The following USP19 variants were observed in gnomAD, a reference collection of about 807,000 sequenced individuals.
The protein encoded by USP19 is ubiquitin carboxyl-terminal hydrolase 19.
In USP19, 40 loss-of-function variants were observed where a neutral mutation model predicts 144.8. The ratio of observed to expected loss-of-function variants is 0.28; its 90% CI spans 0.21 to 0.36. The LOEUF (loss-of-function observed/expected upper bound fraction) is 0.36, where lower values mean the gene tolerates loss of function less well. USP19 is among the 10% of genes least tolerant of loss of function. USP19 has a pLI of 1.00. For missense variants in USP19, 1,518 were observed against 1,822.5 expected (o/e 0.83, Z 3.04); for synonymous variants, 701 against 709.3 (o/e 0.99, Z 0.19).
In USP19 at chr3:49,116,668, AT is replaced by A; in HGVS notation, c.1126+58del. The A allele has an allele frequency of 6.2e-7, 1 of 1,609,970 alleles. No individual in the cohort carries two copies. Among genetic ancestry groups the A allele is most frequent in the Non-Finnish European group, 8.5e-7 (1 of 1,177,452 alleles). On this transcript the variant is annotated intron_variant, in intron 7 of 26. Coordinates refer to ENST00000417901, the MANE Select transcript of USP19 (RefSeq NM_001199161.2). The surrounding 1 kb of genome is among the most constrained non-coding windows in gnomAD (Gnocchi z 5.0). ...AGGTTCCAGCCTATTGCTACTCTCT[AT>A]CCACCTACAAACTTTGCAACCCAAC... is the stretch of plus-strand genomic sequence containing the variant.
At position 49,115,667 on chromosome 3, in the gene USP19, A is replaced by G; in HGVS notation, c.1693-28T>C. 6.2e-7 allele frequency: 1 copy of G among 1,608,886 alleles called. No homozygotes were observed. The highest frequency in any genetic ancestry group is 8.5e-7 in the Non-Finnish European group (1 of 1,176,664). On this transcript the variant is annotated intron_variant, in intron 11 of 26. Transcript: ENST00000417901. The surrounding 1 kb of genome is among the most constrained non-coding windows in gnomAD (Gnocchi z 6.6). The stretch of plus-strand genomic sequence containing the variant: ...GCAGGAGCAAAGACGACATGAGAGA[A>G]CAGCCCCAAGACTCTCCAGCCTCCA...
Position 49,112,333 on chromosome 3 carries a change from C to T in USP19, c.2716G>A (p.Glu906Lys), listed in dbSNP as rs745457356. The T allele has an allele frequency of 1.2e-6, 2 of 1,613,822 alleles. No individual in the cohort carries two copies. The highest frequency in any genetic ancestry group is 1.7e-6 in the Non-Finnish European group (2 of 1,179,920). Residue 906 changes from glutamate to lysine, a missense_variant, in exon 19 of 27, where the codon GAA becomes AAA. Glu to Lys is a moderately conservative substitution (Grantham distance 56). This residue lies in a region of USP19 where 413 missense variants were observed against 515.8 expected (regional missense o/e 0.80). Transcript: ENST00000417901. This position sits in a 1 kb window ranked among gnomAD's most constrained non-coding sequence, Gnocchi z 4.9. ...CACCGGGTACAGCGCTTCAGCTTTT[C>T]ATCCTCCGACTGTTGCTTCCGCTGG... ...ACQRKQQSED[E>K]KLKRCTRCYR...
chr3:49,110,398 C>T lies in USP19; in HGVS notation c.3860-36G>A. ...GTGGGAAGAGTGTGAACAAAGTCTG[C>T]ACCACCACCCCTACCACCTATCCTG... On this transcript the variant is annotated intron_variant, in intron 25 of 26. Coordinates refer to ENST00000417901, the MANE Select transcript of USP19 (RefSeq NM_001199161.2). The surrounding 1 kb of genome is among the most constrained non-coding windows in gnomAD (Gnocchi z 6.1). 2 of 1,603,236 alleles carry T rather than the reference C, an allele frequency of 1.2e-6. No homozygotes were observed.
In USP19 at chr3:49,118,053, T is replaced by C. The variant is rs776946119; in HGVS notation, c.192A>G (p.Ser64=). The change falls in exon 3 of 27, where the codon TCA becomes TCG. Residue 64 remains serine (S), a synonymous_variant. Transcript: ENST00000417901. ...EPLASGDPSA[S]ASHAAGITGS... is the part of the protein sequence containing the mutation. The stretch of plus-strand genomic sequence containing the variant: ...CTGTGATCCCAGCTGCATGGGAGGC[T>C]GAGGCAGAAGGATCACCTGAGGCCA... The C allele has an allele frequency of 1.1e-5, 18 of 1,592,184 alleles. No homozygotes were observed. In the East Asian group the frequency reaches 4.0e-4, roughly 36 times the overall value.
At position 49,119,016 on chromosome 3, in the gene USP19, T is replaced by A; in HGVS notation, c.124+6A>T. On this transcript the variant is annotated splice_donor_region_variant and intron_variant, in intron 2 of 26. Coordinates refer to ENST00000417901, the MANE Select transcript of USP19 (RefSeq NM_001199161.2). ...GCCACAATTACTCTGGGAATGCCAC[T>A]CCCACCTTTCCTAGGATCTCCATCC... 1 of 1,613,894 alleles carries A rather than the reference T, an allele frequency of 6.2e-7. No individual in the cohort carries two copies. The highest frequency in any genetic ancestry group is 2.2e-5 in the East Asian group (1 of 44,878).
Position 49,112,592 on chromosome 3 carries a change from G to A in USP19, c.2543C>T (p.Ser848Phe). Residue 848 changes from serine (S) to phenylalanine (F), a missense_variant, in exon 18 of 27, where the codon TCC becomes TTC. Ser to Phe is a radical substitution (Grantham distance 155). Transcript: ENST00000417901. This position sits in a 1 kb window ranked among gnomAD's most constrained non-coding sequence, Gnocchi z 4.9. Reference protein sequence around the residue: ...KNRFHRVFLPSHSLDTVSPSD... With the variant: ...KNRFHRVFLPFHSLDTVSPSD... ...TGGGGACACAGTGTCCAGTGAGTGG[G>A]AGGGTAGGAACACACGATGAAAACG... is the stretch of plus-strand genomic sequence containing the variant. 1 of 1,614,066 alleles carries A rather than the reference G, an allele frequency of 6.2e-7. No individual in the cohort carries two copies.
At position 49,108,588 on chromosome 3, in the gene USP19, G is replaced by T; in HGVS notation, c.4039-60C>A. The T allele has an allele frequency of 7.9e-7, 1 of 1,260,814 alleles. No individual in the cohort carries two copies. The highest frequency in any genetic ancestry group is 2.7e-5 in the South Asian group (1 of 37,206). 78.1% of individuals were successfully genotyped at this position (1,260,814 alleles called of 1,614,324 possible). A position where few individuals can be genotyped will look rare whatever the true frequency, so the allele number is the denominator to read the frequency against. The stretch of plus-strand genomic sequence containing the variant: ...GCCCAGCATGCCGCCTGGCATCCCG[G>T]GGGTGCTGGCTTGGAGCCCTGGCAC... On this transcript the variant is annotated intron_variant, in intron 26 of 26. Coordinates refer to ENST00000417901, the MANE Select transcript of USP19 (RefSeq NM_001199161.2). The surrounding 1 kb of genome is among the most constrained non-coding windows in gnomAD (Gnocchi z 4.8).
At position 49,114,899 on chromosome 3, in the gene USP19, A is replaced by C. The variant is rs1472127157; in HGVS notation, c.2182-26T>G. On this transcript the variant is annotated intron_variant, in intron 14 of 26. Coordinates refer to ENST00000417901, the MANE Select transcript of USP19 (RefSeq NM_001199161.2). This position sits in a 1 kb window ranked among gnomAD's most constrained non-coding sequence, Gnocchi z 4.5. Reference sequence around the variant, plus strand: ...CTGAGAGGCAGAGTGGTGAGAACCAAAGAGTACCAGGGGCTGGGATGCTCA... The same window carrying C: ...CTGAGAGGCAGAGTGGTGAGAACCACAGAGTACCAGGGGCTGGGATGCTCA... 3 of 1,614,108 alleles carry C rather than the reference A, an allele frequency of 1.9e-6. No individual in the cohort carries two copies. The Admixed American group carries it at 5.0e-5, about 27-fold the overall frequency.
rs1446903893 is a variant in USP19 at position 49,119,018 on chromosome 3, C to T, written c.124+4G>A. 1 of 1,613,750 alleles carries T rather than the reference C, an allele frequency of 6.2e-7. No individual in the cohort carries two copies. Among genetic ancestry groups the T allele is most frequent in the African/African-American group, 1.3e-5 (1 of 74,902 alleles). ...CACAATTACTCTGGGAATGCCACTCCCACCTTTCCTAGGATCTCCATCCTT... is the reference window on the plus strand; with the variant it reads ...CACAATTACTCTGGGAATGCCACTCTCACCTTTCCTAGGATCTCCATCCTT... On this transcript the variant is annotated splice_donor_region_variant and intron_variant, in intron 2 of 26. Coordinates refer to ENST00000417901, the MANE Select transcript of USP19 (RefSeq NM_001199161.2).
rs752155630 is a variant in USP19 at position 49,117,665 on chromosome 3, C to T, written c.464G>A (p.Arg155Gln). ...AGGGCAGATGGACACACCTGCAAACCGCACCACACAGTCTGTATCTGTGAA... is the reference window on the plus strand; with the variant it reads ...AGGGCAGATGGACACACCTGCAAACTGCACCACACAGTCTGTATCTGTGAA... Reference protein sequence around the residue: ...AAFTDTDCVVRFAGGQQWGGV... With the variant: ...AAFTDTDCVVQFAGGQQWGGV... Residue 155 changes from arginine (R) to glutamine (Q), a missense_variant, in exon 4 of 27, where the codon CGG becomes CAG. Physicochemically the swap from Arg to Gln is conservative, Grantham distance 43. Transcript: ENST00000417901. This position sits in a 1 kb window ranked among gnomAD's most constrained non-coding sequence, Gnocchi z 4.4. 15 of 1,614,014 alleles carry T rather than the reference C, an allele frequency of 9.3e-6. No individual in the cohort carries two copies. The highest frequency in any genetic ancestry group is 5.3e-5 in the African/African-American group (4 of 74,902).
rs2045133630 is a variant in USP19, at chr3:49,120,811, C to T, written c.-192G>A. ...GGGCCCTGGCAACCCGCTCTCCGTT[C>T]CGGTTCCGGCGCAGGTCGGTTCCGG... On this transcript the variant is annotated 5_prime_UTR_variant, in exon 1 of 27. Transcript: ENST00000417901. 1 of 254,150 alleles carries T rather than the reference C, an allele frequency of 3.9e-6. No homozygotes were observed. Among genetic ancestry groups the T allele is most frequent in the Non-Finnish European group, 7.8e-6 (1 of 128,970 alleles). 15.7% of individuals were successfully genotyped at this position (254,150 alleles called of 1,614,324 possible).
chr3:49,118,251 G>GC, intron 2 of USP19, 131 bp from the exon 3 acceptor site: 2 of 374,450 alleles, frequency 5.3e-6, no homozygotes, highest in Non-Finnish European at 9.5e-6. Context: ...CTGTGCAAGA[G>GC]TGAGACCCTG....
In USP19 at chr3:49,111,303, T is replaced by C; in HGVS notation, c.3280A>G (p.Ile1094Val). ...CGGTTGGATGAATCAATTTTATAGA[T>C]GAAGAACTGGGGTGTGTGGGCATTC... is the stretch of plus-strand genomic sequence containing the variant. ...AMNAHTPQFF[I>V]YKIDSSNREQ... The change falls in exon 22 of 27, where the codon ATC becomes GTC. Residue 1094 changes from isoleucine (I) to valine (V), a missense_variant. Physicochemically the swap from Ile to Val is conservative, Grantham distance 29 (BLOSUM62 3). This residue lies in a region of USP19 where 413 missense variants were observed against 515.8 expected (regional missense o/e 0.80). Transcript: ENST00000417901. The surrounding 1 kb of genome is among the most constrained non-coding windows in gnomAD (Gnocchi z 5.9). 1 of 1,614,116 alleles carries C rather than the reference T, an allele frequency of 6.2e-7. No homozygotes were observed. The highest frequency in any genetic ancestry group is 8.5e-7 in the Non-Finnish European group (1 of 1,180,026).
At chr3:49,118,268 A>T in intron 2 of USP19, 148 bp from the exon 3 acceptor site, 7 of 164,588 alleles carry the variant, frequency 4.3e-5, no homozygotes, top group Admixed American at 6.8e-5. Context: ...CCTGCCTTTA[A>T]AAAAAAAAAA....
Position 49,116,050 on chromosome 3 carries a change from G to T in USP19, c.1468C>A (p.Arg490=). ...RWGGLEAPAA[R]GAVGGAKVAV... is the part of the protein sequence containing the mutation. ...TGAAGGGAGCTCGTGTGCAGACCTC[G>T]TGCAGCCGGGGCCTCCAGGCCCCCC... The change falls in exon 10 of 27, where the codon CGA becomes AGA. Residue 490 remains arginine (R), a synonymous_variant. Coordinates refer to ENST00000417901, the MANE Select transcript of USP19 (RefSeq NM_001199161.2). The surrounding 1 kb of genome is among the most constrained non-coding windows in gnomAD (Gnocchi z 5.0). 1 of 1,595,446 alleles carries T rather than the reference G, an allele frequency of 6.3e-7. No homozygotes were observed. Among genetic ancestry groups the T allele is most frequent in the Non-Finnish European group, 8.5e-7 (1 of 1,174,970 alleles).
chr3:49,115,359 G>A lies in USP19; in HGVS notation c.1891C>T (p.Arg631Cys), dbSNP rs186192609. ...TAGTTGATCTCAGCCTCAAAGGAGCGGTCTAGGAATAGTAGCCGAGCAAAG... is the reference window on the plus strand; with the variant it reads ...TAGTTGATCTCAGCCTCAAAGGAGCAGTCTAGGAATAGTAGCCGAGCAAAG... ...TRELRDFFHD[R>C]SFEAEINYNN... The change falls in exon 13 of 27, where the codon CGC becomes TGC. Residue 631 changes from arginine to cysteine, a missense_variant and splice_region_variant. Physicochemically the swap from Arg to Cys is radical, Grantham distance 180 (BLOSUM62 -3). Around this residue, in one of 5 missense-constraint regions of USP19, gnomAD observed 158 missense variants for 277.3 expected, o/e 0.57. Transcript: ENST00000417901. This position sits in a 1 kb window ranked among gnomAD's most constrained non-coding sequence, Gnocchi z 6.6. 2.7e-5 allele frequency: 43 copies of A among 1,614,012 alleles called. 1 individual carries two copies. In the South Asian group the frequency reaches 2.9e-4, roughly 11 times the overall value.
Position 49,115,113 on chromosome 3 carries a change from A to G in USP19, c.2027T>C (p.Ile676Thr), listed in dbSNP as rs752514075. 4.3e-6 allele frequency: 7 copies of G among 1,613,864 alleles called. No homozygotes were observed. The highest frequency in any genetic ancestry group is 2.2e-5 in the East Asian group (1 of 44,868). Residue 676 changes from isoleucine (I) to threonine (T), a missense_variant, in exon 14 of 27, where the codon ATT becomes ACT. Ile to Thr is a moderately conservative substitution (Grantham distance 89). Coordinates refer to ENST00000417901, the MANE Select transcript of USP19 (RefSeq NM_001199161.2). This position sits in a 1 kb window ranked among gnomAD's most constrained non-coding sequence, Gnocchi z 6.6. ...GAACTGGCTGGCCTTACTCGCCACA[A>G]TGGCCTGGATACAGGAGCCAAGGTG... is the stretch of plus-strand genomic sequence containing the variant. ...HAFQPSKLKA[I>T]VASKASQFTG... is the part of the protein sequence containing the mutation.
At position 49,112,500 on chromosome 3, in the gene USP19, C is replaced by G. The variant is rs1252470863; in HGVS notation, c.2635G>C (p.Glu879Gln). 3.3e-5 allele frequency: 53 copies of G among 1,613,692 alleles called. No homozygotes were observed. Among genetic ancestry groups the G allele is most frequent in the Non-Finnish European group, 4.5e-5 (53 of 1,179,782 alleles). Residue 879 changes from glutamate (E) to glutamine (Q), a missense_variant, in exon 18 of 27, where the codon GAG (glutamate) becomes CAG (glutamine). Coordinates refer to ENST00000417901, the MANE Select transcript of USP19 (RefSeq NM_001199161.2). The surrounding 1 kb of genome is among the most constrained non-coding windows in gnomAD (Gnocchi z 4.9). ...TGGCCCCCACTCACCTGTTGCACCT[C>G]TAGCACCACTACCCGCTCCTTAGCC... ...ELAKERVVVLEVQQRPQVPSV... is the reference protein window; with the variant it reads ...ELAKERVVVLQVQQRPQVPSV...
rs377173063 is a variant in USP19, at chr3:49,118,012, G to A, written c.233C>T (p.Thr78Ile). 44 of 1,604,426 alleles carry A rather than the reference G, an allele frequency of 2.7e-5. No homozygotes were observed. The highest frequency in any genetic ancestry group is 3.6e-5 in the Non-Finnish European group (42 of 1,177,800). The change falls in exon 3 of 27, where the codon ACC becomes ATC. Residue 78 changes from threonine (T) to isoleucine (I), a missense_variant. Physicochemically the swap from Thr to Ile is moderately conservative, Grantham distance 89 (BLOSUM62 -1). Coordinates refer to ENST00000417901, the MANE Select transcript of USP19 (RefSeq NM_001199161.2). ...TGACGATGAAGGAAAGAACAGCCGG[G>A]TACGGTGGCGTGAGCCTGTGATCCC... is the stretch of plus-strand genomic sequence containing the variant. ...AAGITGSRHRTRLFFPSSSGS... is the reference protein window; with the variant it reads ...AAGITGSRHRIRLFFPSSSGS...
Sources: allele counts gnomAD v4.1 joint callset, GRCh38; gene constraint gnomAD v4.1.1; regional missense constraint gnomAD v4.1.1; non-coding constraint Gnocchi (gnomAD v3.1); transcripts MANE v1.5; gene names NCBI Gene and HGNC (gene_info 2026-07-23, HGNC 2026-07-21).